Variants in KCND2 observed in about 807,000 individuals in gnomAD.
KCND2 encodes A-type voltage-gated potassium channel KCND2.
In KCND2, 16 loss-of-function variants were observed where a neutral mutation model predicts 54.4. The ratio of observed to expected loss-of-function variants is 0.29; its 90% CI spans 0.20 to 0.45. The LOEUF is 0.45. KCND2 is among the 20% of genes least tolerant of loss of function. The pLI is 1.00. For synonymous variants in KCND2, 317 were observed against 310.7 expected (o/e 1.02, Z -0.21); for missense variants, 486 against 824.2 (o/e 0.59, Z 5.02).
intron 1 of KCND2, among the ~76,000 whole-genome samples, chr7:120,308,702 T>C (rs1254333289): frequency 1.3e-5 from 2 of 152,210 alleles, no homozygotes; most frequent in African/African-American, 4.8e-5. Flanking sequence ...TTCAAATAAG[T>C]GTGGGACAGG....
At chr7:120,702,276 A>G (rs944460314) in intron 1 of KCND2, among the ~76,000 whole-genome samples, 2 of 152,218 alleles carry the variant, frequency 1.3e-5, no homozygotes, top group African/African-American at 4.8e-5. Flanking sequence ...CTATTACTAA[A>G]AAGTCAAAAA....
intron 1 of KCND2, among the ~76,000 whole-genome samples, chr7:120,496,675 C>T (rs760724165): frequency 2.0e-5 from 3 of 152,124 alleles, no homozygotes; most frequent in Non-Finnish European, 2.9e-5. Flanking sequence ...CCACCTGCCT[C>T]GGCCTCCCAA....
intron 1 of KCND2, among the ~76,000 whole-genome samples, chr7:120,563,193 G>C (rs543664722): frequency 6.6e-6 from 1 of 152,200 alleles, no homozygotes; most frequent in South Asian, 2.1e-4. Flanking sequence ...AGACAAATAA[G>C]TAAACATTCC....
intron 1 of KCND2, among the ~76,000 whole-genome samples, chr7:120,404,396 C>T (rs1297243383): frequency 2.0e-5 from 3 of 152,162 alleles, no homozygotes; most frequent in Non-Finnish European, 4.4e-5. Flanking sequence ...ACATTTGTGA[C>T]ATCTCTTAAT....
At chr7:120,338,655 T>A (rs1326032525) in intron 1 of KCND2, among the ~76,000 whole-genome samples, 1 of 152,154 alleles carries the variant, frequency 6.6e-6, no homozygotes, top group African/African-American at 2.4e-5. Context: ...AATTTTAAAT[T>A]ATGTTTTAAA....
chr7:120,678,186 G>A (rs1792090217), intron 1 of KCND2, among the ~76,000 whole-genome samples: 1 of 151,548 alleles, frequency 6.6e-6, no homozygotes, highest in Non-Finnish European at 1.5e-5. Context: ...TGGTTAGGGG[G>A]TTCTGACCTT....
At chr7:120,401,602 G>A (rs1343481045) in intron 1 of KCND2, among the ~76,000 whole-genome samples, 1 of 152,044 alleles carries the variant, frequency 6.6e-6, no homozygotes, top group African/African-American at 2.4e-5. Flanking sequence ...AGCTTTGATA[G>A]ATATTTCATT....
At chr7:120,311,469 G>A (rs556841522) in intron 1 of KCND2, among the ~76,000 whole-genome samples, 5 of 152,148 alleles carry the variant, frequency 3.3e-5, no homozygotes, top group Admixed American at 6.6e-5. Context: ...AGGAAGACTG[G>A]GAGTGAGCCC....
intron 1 of KCND2, among the ~76,000 whole-genome samples, chr7:120,727,246 G>A (rs1196591335): frequency 6.6e-6 from 1 of 152,002 alleles, no homozygotes; most frequent in East Asian, 1.9e-4. Context: ...TATAAAGACA[G>A]CCACATCATG....
chr7:120,482,734 C>A (rs1423991000), intron 1 of KCND2, among the ~76,000 whole-genome samples: 2 of 152,066 alleles, frequency 1.3e-5, no homozygotes, highest in East Asian at 1.9e-4. Context: ...CTCTCAGCTT[C>A]CATAACTGTG....
chr7:120,421,367 A>G (rs1801619912), intron 1 of KCND2, among the ~76,000 whole-genome samples: 1 of 152,242 alleles, frequency 6.6e-6, no homozygotes, highest in South Asian at 2.1e-4. Flanking sequence ...TGATGCAGGA[A>G]AAAGCTGTGT....
At chr7:120,391,234 A>C (rs1801072967) in intron 1 of KCND2, among the ~76,000 whole-genome samples, 1 of 152,136 alleles carries the variant, frequency 6.6e-6, no homozygotes, top group Non-Finnish European at 1.5e-5. Context: ...ATGTCCGTGC[A>C]AAGGACACGA....
intron 1 of KCND2, among the ~76,000 whole-genome samples, chr7:120,445,955 A>G (rs1802012684): frequency 6.6e-6 from 1 of 152,148 alleles, no homozygotes; most frequent in African/African-American, 2.4e-5. Flanking sequence ...ACCATTTATT[A>G]TGAAATTTTG....
At chr7:120,571,749 T>TAAAAATAAACCAGGATTTGCC (rs1349428982) in intron 1 of KCND2, among the ~76,000 whole-genome samples, 4 of 152,200 alleles carry the variant, frequency 2.6e-5, no homozygotes, top group Non-Finnish European at 4.4e-5. Flanking sequence ...ATTATACTAT[T>TAAAAATAAACCAGGATTTGCC]AAAAATAAAC....
At chr7:120,287,716 C>A (rs951182160) in intron 1 of KCND2, among the ~76,000 whole-genome samples, 12 of 151,904 alleles carry the variant, frequency 7.9e-5, no homozygotes, top group African/African-American at 2.9e-4. Context: ...TGGTGGAGTG[C>A]ACCTGTAATC....
chr7:120,566,510 T>G (rs2116419081), intron 1 of KCND2, among the ~76,000 whole-genome samples: 1 of 152,120 alleles, frequency 6.6e-6, no homozygotes, highest in African/African-American at 2.4e-5. Context: ...ACCTAGCTAA[T>G]GATTTTATTT....
chr7:120,339,414 A>G (rs1419046168), intron 1 of KCND2, among the ~76,000 whole-genome samples: 3 of 152,052 alleles, frequency 2.0e-5, no homozygotes. Flanking sequence ...AGAGCTTATT[A>G]TCCTATATAC....
At chr7:120,354,424 G>A (rs1315523659) in intron 1 of KCND2, among the ~76,000 whole-genome samples, 1 of 152,166 alleles carries the variant, frequency 6.6e-6, no homozygotes, top group Non-Finnish European at 1.5e-5. Context: ...ACTGTGCATG[G>A]TAAAACAGAT....
rs903021757 is a variant in KCND2 at position 120,347,209 on chromosome 7, T to C, written c.1115+71462T>C. Among the ~76,000 whole-genome samples the C allele has an allele frequency of 1.5e-4, 23 of 152,336 alleles. 1 individual carries two copies. The highest frequency in any genetic ancestry group is 3.9e-4 in the Admixed American group (6 of 15,296). The stretch of plus-strand genomic sequence containing the variant: ...TCACTTTGATGCCTTTCTTTTTATT[T>C]CTTTTCTGTTTTTGTCTTCCAGTAA... On this transcript the variant is annotated intron_variant, in intron 1 of 5. Transcript: ENST00000331113.
Sources: allele counts gnomAD v4.1 joint callset (sites outside exome capture counted in the v4.1 genomes callset), GRCh38; gene constraint gnomAD v4.1.1; transcripts MANE v1.5; gene names NCBI Gene and HGNC (gene_info 2026-07-23, HGNC 2026-07-21).